STXBP6: variants seen among roughly 807,000 people sequenced by gnomAD.
The protein encoded by STXBP6 is syntaxin binding protein 6.
A neutral mutation model predicts 26.9 loss-of-function variants in STXBP6; 21 were observed. That is an observed-to-expected ratio of 0.78 (90% CI 0.55 to 1.12). STXBP6 has a LOEUF of 1.12. Among genes scored for constraint, STXBP6 ranks in the 50% most tolerant of loss-of-function variants. The probability of loss-of-function intolerance (pLI) is 0.00; values close to 1 mark genes in which losing one functional copy is unlikely to be tolerated. For missense variants in STXBP6, 232 were observed against 257.9 expected (o/e 0.90, Z 0.69); for synonymous variants, 97 against 92.6 (o/e 1.05, Z -0.27).
At chr14:24,835,780 T>C (rs2068593164) in intron 4 of STXBP6, among the ~76,000 whole-genome samples, 1 of 152,220 alleles carries the variant, frequency 6.6e-6, no homozygotes, top group Non-Finnish European at 1.5e-5. Context: ...GCTTTGGACT[T>C]GTAACCATAG....
intron 2 of STXBP6, among the ~76,000 whole-genome samples, chr14:24,933,628 C>T (rs2072500536): frequency 1.3e-5 from 2 of 152,022 alleles, no homozygotes; most frequent in Non-Finnish European, 1.5e-5. Flanking sequence ...CACACTTTCA[C>T]CCTTGGGAAC....
At chr14:24,907,878 AGGTCTCTGT>A (rs2071438297) in intron 2 of STXBP6, among the ~76,000 whole-genome samples, 1 of 151,978 alleles carries the variant, frequency 6.6e-6, no homozygotes, top group African/African-American at 2.4e-5. Context: ...TGAGCATCCC[AGGTCTCTGT>A]CTTGGCTACA....
In STXBP6 at chr14:25,049,980, G is replaced by GGGCTCCT; in HGVS notation, c.-136_-135insAGGAGCC. 1.4e-6 allele frequency: 1 copy of GGGCTCCT among 707,976 alleles called. No homozygotes were observed. The allele number at this position is 707,976 out of a possible 1,614,324, so 43.9% of individuals were successfully genotyped here. A position where few individuals can be genotyped will look rare whatever the true frequency, so the allele number is the denominator to read the frequency against. ...TGCCCCGCGCGGGGCTCCGGGCTCC[G>GGGCTCCT]GACAAGGCTTAGCCGGCCCGGGTGC... On this transcript the variant is annotated 5_prime_UTR_variant, in exon 1 of 6. Transcript: ENST00000323944. This position sits in a 1 kb window ranked among gnomAD's most constrained non-coding sequence, Gnocchi z 5.6.
chr14:24,857,660 C>T (rs928173672), intron 2 of STXBP6, among the ~76,000 whole-genome samples: 1 of 151,662 alleles, frequency 6.6e-6, no homozygotes. Flanking sequence ...GAGGAGTAAT[C>T]CCTAACTCAA....
Position 24,810,617 on chromosome 14 carries a change from A to T in STXBP6, c.*2092T>A, listed in dbSNP as rs1679470226. The T allele has an allele frequency of 6.6e-6, 1 of 152,194 alleles. No homozygotes were observed. Among genetic ancestry groups the T allele is most frequent in the South Asian group, 2.1e-4 (1 of 4,828 alleles). 9.4% of individuals were successfully genotyped at this position (152,194 alleles called of 1,614,324 possible). A position where few individuals can be genotyped will look rare whatever the true frequency, so the allele number is the denominator to read the frequency against. ...AAAGAGGGCAAGACATGGAATACTT[A>T]TATTTATCAAGAGTAACTATTGTAA... On this transcript the variant is annotated 3_prime_UTR_variant, in exon 6 of 6. Transcript: ENST00000323944.
chr14:24,857,198 T>C (rs1239738046), intron 2 of STXBP6, 41 bp from the exon 3 acceptor site: 7 of 1,610,828 alleles, frequency 4.3e-6, no homozygotes, highest in African/African-American at 2.7e-5. Context: ...ACCTGCAAGT[T>C]GGTGGTTTGT....
chr14:24,931,291 C>T (rs899780685), intron 2 of STXBP6, among the ~76,000 whole-genome samples: 6 of 151,200 alleles, frequency 4.0e-5, no homozygotes, highest in African/African-American at 9.7e-5. Context: ...ATGTCAATGA[C>T]GAGTTAATGG....
Position 24,809,475 on chromosome 14 carries a change from T to C in STXBP6, c.*3234A>G, listed in dbSNP as rs1412769526. On this transcript the variant is annotated 3_prime_UTR_variant, in exon 6 of 6. Coordinates refer to ENST00000323944, the MANE Select transcript of STXBP6 (RefSeq NM_001394410.1). ...TAAATTAAGGTTAGCTCTTTAGTCT[T>C]TATTACATTCCAAGCTTTTCCATTA... 6.6e-6 allele frequency among the ~76,000 whole-genome samples: 1 copy of C among 152,220 alleles called. No individual in the cohort carries two copies. Among genetic ancestry groups the C allele is most frequent in the African/African-American group, 2.4e-5 (1 of 41,454 alleles).
Position 25,049,270 on chromosome 14 carries a change from G to A in STXBP6, c.-33+608C>T. On this transcript the variant is annotated intron_variant, in intron 1 of 5. Coordinates refer to ENST00000323944, the MANE Select transcript of STXBP6 (RefSeq NM_001394410.1). The surrounding 1 kb of genome is among the most constrained non-coding windows in gnomAD (Gnocchi z 5.6). Reference sequence around the variant, plus strand: ...CGATGCCGGCGTGCACGGCAAGCGCGAATTCGGAACCTGGCGCCCTTGACC... The same window carrying A: ...CGATGCCGGCGTGCACGGCAAGCGCAAATTCGGAACCTGGCGCCCTTGACC... 61 of 985,466 alleles carry A rather than the reference G, an allele frequency of 6.2e-5. No homozygotes were observed. Among genetic ancestry groups the A allele is most frequent in the Non-Finnish European group, 7.3e-5 (61 of 829,956 alleles). The allele number at this position is 985,466 out of a possible 1,614,324, so 61.0% of individuals were successfully genotyped here. A position where few individuals can be genotyped will look rare whatever the true frequency, so the allele number is the denominator to read the frequency against.
At chr14:25,012,293 T>A (rs922633706) in intron 1 of STXBP6, among the ~76,000 whole-genome samples, 1 of 152,210 alleles carries the variant, frequency 6.6e-6, no homozygotes, top group Non-Finnish European at 1.5e-5. Flanking sequence ...TATTCAAGAC[T>A]TCAAAGAGCT....
intron 2 of STXBP6, among the ~76,000 whole-genome samples, chr14:24,924,387 G>A (rs1462608058): frequency 6.6e-6 from 1 of 152,090 alleles, no homozygotes; most frequent in Non-Finnish European, 1.5e-5. Flanking sequence ...GAGGTTGATG[G>A]TCACACTCTC....
chr14:24,857,079 G>C lies in STXBP6; in HGVS notation c.233C>G (p.Ser78Ter), dbSNP rs1213091204. 4 of 1,613,026 alleles carry C rather than the reference G, an allele frequency of 2.5e-6. No individual in the cohort carries two copies. Among genetic ancestry groups the C allele is most frequent in the Non-Finnish European group, 3.4e-6 (4 of 1,179,270 alleles). ...FEGSTSFVRR[S>*]QWMLEQLRQV... is the part of the protein sequence containing the mutation. Reference sequence around the variant, plus strand: ...GCGAAGCTGCTCGAGCATCCACTGTGATCTCCGAACAAATGATGTGGAGCC... The same window carrying C: ...GCGAAGCTGCTCGAGCATCCACTGTCATCTCCGAACAAATGATGTGGAGCC... Residue 78 changes from serine (S) to a stop codon, truncating the protein, a stop_gained, in exon 3 of 6, where the codon TCA becomes TGA. Transcript: ENST00000323944. LOFTEE classifies it high-confidence loss of function.
intron 2 of STXBP6, among the ~76,000 whole-genome samples, chr14:24,937,745 T>C (rs1369210628): frequency 6.6e-6 from 1 of 152,260 alleles, no homozygotes; most frequent in East Asian, 1.9e-4. Context: ...AATATTTTCT[T>C]GGTTGTGTTA....
At chr14:24,941,295 T>C (rs1436184689) in intron 2 of STXBP6, among the ~76,000 whole-genome samples, 1 of 152,050 alleles carries the variant, frequency 6.6e-6, no homozygotes, top group African/African-American at 2.4e-5. Flanking sequence ...TGCAGGACAA[T>C]GTGGCAAGGG....
chr14:24,876,382 CA>C (rs1472884904), intron 2 of STXBP6, among the ~76,000 whole-genome samples: 1 of 152,142 alleles, frequency 6.6e-6, no homozygotes, highest in Non-Finnish European at 1.5e-5. Context: ...AGCAGAACTC[CA>C]AACTTCCTCA....
chr14:24,950,329 G>A (rs2073120941), intron 2 of STXBP6, among the ~76,000 whole-genome samples: 2 of 151,890 alleles, frequency 1.3e-5, no homozygotes, highest in Admixed American at 1.3e-4. Context: ...TCATATTCCT[G>A]GTATATACCC....
At chr14:24,976,505 C>T (rs1034270271) in intron 1 of STXBP6, among the ~76,000 whole-genome samples, 1 of 152,148 alleles carries the variant, frequency 6.6e-6, no homozygotes, top group African/African-American at 2.4e-5. Context: ...TTTATCATCA[C>T]CACCAGGTTC....
chr14:24,927,220 G>C (rs2072209185), intron 2 of STXBP6, among the ~76,000 whole-genome samples: 1 of 152,186 alleles, frequency 6.6e-6, no homozygotes, highest in South Asian at 2.1e-4. Flanking sequence ...TGAGAGATGA[G>C]AGCTTCTCCG....
intron 4 of STXBP6, among the ~76,000 whole-genome samples, chr14:24,834,764 ACT>A (rs1246590091): frequency 6.6e-6 from 1 of 152,152 alleles, no homozygotes; most frequent in East Asian, 1.9e-4. Context: ...TTTAAGAGAC[ACT>A]GAGGGAGACC....
Sources: gnomAD v4.1 joint callset for allele counts (sites outside exome capture counted in the v4.1 genomes callset) on GRCh38, gnomAD v4.1.1 for gene constraint, Gnocchi (gnomAD v3.1) non-coding constraint, MANE v1.5 for transcripts, NCBI Gene and HGNC (gene_info 2026-07-23, HGNC 2026-07-21) for gene names.